Variants in DYM observed in about 807,000 individuals in gnomAD.
DYM encodes dyggve-Melchior-Clausen syndrome protein.
A neutral mutation model predicts 93.1 loss-of-function variants in DYM; 78 were observed. That is an observed-to-expected ratio of 0.84 (90% CI 0.70 to 1.01). DYM has a LOEUF of 1.01. Ranked by LOEUF, DYM falls within the 50% of genes least tolerant of loss-of-function variation. DYM has a pLI of 0.00. For synonymous variants in DYM, 321 were observed against 319.7 expected (o/e 1.00, Z -0.04); for missense variants, 789 against 845.0 (o/e 0.93, Z 0.82).
intron 13 of DYM, among the ~76,000 whole-genome samples, chr18:49,233,980 T>C (rs1176908014): frequency 2.6e-5 from 4 of 151,960 alleles, no homozygotes; most frequent in Middle Eastern, 3.4e-3. Context: ...ATACAAAAAA[T>C]TAGCCGGGCA....
intron 1 of DYM, among the ~76,000 whole-genome samples, chr18:49,443,118 G>A (rs1428373216): frequency 6.6e-6 from 1 of 152,012 alleles, no homozygotes; most frequent in Admixed American, 6.6e-5. Context: ...AAAATGCCGG[G>A]ATTATAGGCA....
intron 2 of DYM, among the ~76,000 whole-genome samples, chr18:49,419,978 T>C (rs1046275063): frequency 6.6e-6 from 1 of 152,212 alleles, no homozygotes; most frequent in Admixed American, 6.5e-5. Flanking sequence ...GTGATAATTC[T>C]GCAAGGATTA....
intron 6 of DYM, among the ~76,000 whole-genome samples, chr18:49,346,622 G>T (rs903336053): frequency 6.6e-6 from 1 of 152,032 alleles, no homozygotes. Context: ...TTTTTAAAGG[G>T]TGAAAATTTT....
chr18:49,450,076 TC>T (rs1209943061), intron 1 of DYM, among the ~76,000 whole-genome samples: 1 of 152,252 alleles, frequency 6.6e-6, no homozygotes, highest in African/African-American at 2.4e-5. Context: ...TAAGAGATTA[TC>T]TTAAATTTAA....
chr18:49,103,258 G>A (rs1458675920), intron 16 of DYM, among the ~76,000 whole-genome samples: 1 of 151,848 alleles, frequency 6.6e-6, no homozygotes, highest in Non-Finnish European at 1.5e-5. Context: ...CTTTTTGGTG[G>A]GGTTGTTTTT....
intron 16 of DYM, among the ~76,000 whole-genome samples, chr18:49,101,273 C>A (rs1482044798): frequency 6.6e-6 from 1 of 152,214 alleles, no homozygotes; most frequent in African/African-American, 2.4e-5. Flanking sequence ...AATTCAAAGA[C>A]AACCTTTCAA....
chr18:49,441,523 G>A (rs2081621808), intron 1 of DYM, among the ~76,000 whole-genome samples: 1 of 148,656 alleles, frequency 6.7e-6, no homozygotes, highest in Admixed American at 7.0e-5. Flanking sequence ...ACAAGTAATA[G>A]AACATTCTCT....
chr18:49,340,231 C>T (rs896101699), intron 6 of DYM, among the ~76,000 whole-genome samples: 19 of 152,022 alleles, frequency 1.2e-4, no homozygotes, highest in Admixed American at 1.2e-3. Context: ...GGATTACAAG[C>T]GTGAGCCACT....
intron 2 of DYM, among the ~76,000 whole-genome samples, chr18:49,416,267 C>G (rs996976890): frequency 6.6e-6 from 1 of 152,146 alleles, no homozygotes; most frequent in African/African-American, 2.4e-5. Flanking sequence ...TTCCATTTTA[C>G]AAAAGCAACA....
At chr18:49,444,728 G>T (rs1327541087) in intron 1 of DYM, among the ~76,000 whole-genome samples, 2 of 152,164 alleles carry the variant, frequency 1.3e-5, no homozygotes, top group Non-Finnish European at 2.9e-5. Flanking sequence ...AATTGGAAGT[G>T]ATTAGTCTGC....
chr18:49,318,642 G>C (rs1383106342), intron 8 of DYM, among the ~76,000 whole-genome samples: 1 of 151,730 alleles, frequency 6.6e-6, no homozygotes, highest in Non-Finnish European at 1.5e-5. Context: ...GAGAGAGAGA[G>C]AGAGAAAGAA....
chr18:49,381,967 T>C (rs62102870), intron 3 of DYM, among the ~76,000 whole-genome samples: 22 of 151,060 alleles, frequency 1.5e-4, no homozygotes, highest in Non-Finnish European at 3.1e-4. Context: ...TGGGACTTAA[T>C]ATTATCTAGC....
chr18:49,086,904 C>T (rs1286496920), intron 17 of DYM, among the ~76,000 whole-genome samples: 1 of 152,064 alleles, frequency 6.6e-6, no homozygotes, highest in Non-Finnish European at 1.5e-5. Context: ...AGGAGAATTG[C>T]TTGAACCCAG....
intron 13 of DYM, among the ~76,000 whole-genome samples, chr18:49,235,403 G>T (rs1053328937): frequency 3.3e-5 from 5 of 152,020 alleles, no homozygotes; most frequent in African/African-American, 1.2e-4. Flanking sequence ...GCAATATCAT[G>T]ATCAAAAGCT....
At chr18:49,142,232 A>G (rs2084594001) in intron 15 of DYM, among the ~76,000 whole-genome samples, 1 of 152,022 alleles carries the variant, frequency 6.6e-6, no homozygotes, top group South Asian at 2.1e-4. Flanking sequence ...TGCATCTACT[A>G]TATCTACTCT....
intron 14 of DYM, among the ~76,000 whole-genome samples, chr18:49,192,893 G>A (rs549741924): frequency 3.0e-4 from 46 of 152,190 alleles, no homozygotes; most frequent in African/African-American, 1.0e-3. Context: ...GGTTACCAGC[G>A]GCCAAGGGGG....
chr18:49,360,948 C>G (rs540684060), intron 6 of DYM, among the ~76,000 whole-genome samples: 2 of 152,304 alleles, frequency 1.3e-5, no homozygotes, highest in East Asian at 3.9e-4. Context: ...AGCATTGCCT[C>G]CACATTCCAG....
rs1276493860 is a variant in DYM, at chr18:49,354,292, T to C, written c.494+8869A>G. 2.6e-5 allele frequency among the ~76,000 whole-genome samples: 4 copies of C among 152,006 alleles called. No homozygotes were observed. The East Asian group carries it at 7.7e-4, about 29-fold the overall frequency. Reference sequence around the variant, plus strand: ...ACGATAAAATAGGAGAAAATCCAAATGACCTTGGGTATGGTGATGACTTTT... The same window carrying C: ...ACGATAAAATAGGAGAAAATCCAAACGACCTTGGGTATGGTGATGACTTTT... On this transcript the variant is annotated intron_variant, in intron 6 of 17. Coordinates refer to ENST00000675505, the MANE Select transcript of DYM (RefSeq NM_001353214.3).
intron 5 of DYM, among the ~76,000 whole-genome samples, chr18:49,369,802 T>C (rs1346763150): frequency 1.3e-5 from 2 of 152,202 alleles, no homozygotes; most frequent in East Asian, 3.8e-4. Flanking sequence ...AAGCCAGGCT[T>C]CCGCTTGGCT....
Sources: allele counts gnomAD v4.1 joint callset (sites outside exome capture counted in the v4.1 genomes callset), GRCh38; gene constraint gnomAD v4.1.1; transcripts MANE v1.5; gene names NCBI Gene and HGNC (gene_info 2026-07-23, HGNC 2026-07-21).